RAI14: variants seen among roughly 807,000 people sequenced by gnomAD.
RAI14 encodes ankycorbin.
RAI14 carries 45 observed loss-of-function variants against 115.4 expected under a neutral mutation model. The observed-to-expected ratio is 0.39, with a 90% CI of 0.31 to 0.50. The LOEUF is 0.50. RAI14 is among the 20% of genes least tolerant of loss of function. RAI14 has a pLI of 0.85. For missense variants in RAI14, 939 were observed against 1,131.2 expected, an observed-to-expected ratio of 0.83 and a Z score of 2.44; for synonymous variants, 371 against 415.4, an observed-to-expected ratio of 0.89 and a Z score of 1.30.
chr5:34,730,635 C>T (rs955057748), intron 2 of RAI14, among the ~76,000 whole-genome samples: 2 of 151,974 alleles, frequency 1.3e-5, no homozygotes, highest in African/African-American at 4.8e-5. Context: ...AAGATCCTGC[C>T]ACTGCACTCC....
rs547870512 is a variant in RAI14 at position 34,814,421 on chromosome 5, T to G, written c.853-162T>G. On this transcript the variant is annotated intron_variant, in intron 11 of 17. Transcript: ENST00000265109. ...ACTTTCAGAAAGTATTTGAAGTAGC[T>G]GAATTGCACTGAAAATATTCTACCC... is the stretch of plus-strand genomic sequence containing the variant. Among the ~76,000 whole-genome samples, 3 of 152,354 alleles carry G rather than the reference T, an allele frequency of 2.0e-5. No homozygotes were observed. In the South Asian group the frequency reaches 6.2e-4, roughly 32 times the overall value.
intron 3 of RAI14, among the ~76,000 whole-genome samples, chr5:34,779,061 G>C (rs1751269580): frequency 6.6e-6 from 1 of 151,918 alleles, no homozygotes; most frequent in African/African-American, 2.4e-5. Context: ...ATGCAAGGCT[G>C]GTTCAACATA....
At chr5:34,716,221 G>T (rs1030989029) in intron 2 of RAI14, 1 of 338,760 alleles carries the variant, frequency 3.0e-6, no homozygotes, top group Non-Finnish European at 5.7e-6. Flanking sequence ...CATCTTTTGA[G>T]GTGAGTGGAA....
chr5:34,812,030 A>G, intron 9 of RAI14, 85 bp downstream of exon 9: 1 of 1,312,796 alleles, frequency 7.6e-7, no homozygotes, highest in South Asian at 1.4e-5. Flanking sequence ...GCAATATGAT[A>G]TATTTTATTA....
At chr5:34,742,769 T>C (rs2150050932) in intron 2 of RAI14, among the ~76,000 whole-genome samples, 1 of 152,254 alleles carries the variant, frequency 6.6e-6, no homozygotes, top group Non-Finnish European at 1.5e-5. Flanking sequence ...GTTCAAGTGA[T>C]TCTCTTGCCT....
chr5:34,698,923 G>A (rs1739690948), intron 2 of RAI14, among the ~76,000 whole-genome samples: 1 of 152,126 alleles, frequency 6.6e-6, no homozygotes, highest in Admixed American at 6.5e-5. Context: ...TGGGGATGAA[G>A]AGCAAGCAGG....
chr5:34,661,486 A>G (rs1483262395), intron 1 of RAI14, among the ~76,000 whole-genome samples: 1 of 152,098 alleles, frequency 6.6e-6, no homozygotes, highest in Non-Finnish European at 1.5e-5. Context: ...GATATCCTAA[A>G]TGGTGCTGGT....
chr5:34,791,490 G>A lies in RAI14; in HGVS notation c.168-4449G>A, dbSNP rs1171529418. ...TAAATAAGCAAACAAACTATATGTGGCAATTAAAACTTAAAAAAAAAAGCC... is the reference window on the plus strand; with the variant it reads ...TAAATAAGCAAACAAACTATATGTGACAATTAAAACTTAAAAAAAAAAGCC... On this transcript the variant is annotated intron_variant, in intron 3 of 17. Transcript: ENST00000265109. The surrounding 1 kb of genome is among the most constrained non-coding windows in gnomAD (Gnocchi z 5.4). Among the ~76,000 whole-genome samples the A allele has an allele frequency of 1.3e-5, 2 of 151,734 alleles. No homozygotes were observed. Among genetic ancestry groups the A allele is most frequent in the Non-Finnish European group, 2.9e-5 (2 of 67,970 alleles).
intron 2 of RAI14, among the ~76,000 whole-genome samples, chr5:34,723,932 T>C (rs533910567): frequency 6.6e-6 from 1 of 152,350 alleles, no homozygotes; most frequent in South Asian, 2.1e-4. Context: ...TGGTCTATGC[T>C]TTTTTGCCTT....
chr5:34,813,468 T>C (rs1755837039), intron 10 of RAI14, 106 bp from the exon 11 acceptor site: 6 of 637,044 alleles, frequency 9.4e-6, no homozygotes, highest in East Asian at 2.8e-5. Flanking sequence ...AAGTAAGAAA[T>C]GTATGAACTT....
intron 2 of RAI14, among the ~76,000 whole-genome samples, chr5:34,749,920 C>T (rs1252611791): frequency 1.3e-5 from 2 of 152,138 alleles, no homozygotes; most frequent in East Asian, 1.9e-4. Context: ...TCTCTAGAGC[C>T]CTTTAAAATA....
intron 3 of RAI14, among the ~76,000 whole-genome samples, chr5:34,788,271 T>A (rs947177108): frequency 6.6e-6 from 1 of 152,086 alleles, no homozygotes; most frequent in Non-Finnish European, 1.5e-5. Context: ...GGGACCTGTC[T>A]TGTGCATTGT....
At chr5:34,752,947 A>G (rs1747321463) in intron 2 of RAI14, among the ~76,000 whole-genome samples, 1 of 151,780 alleles carries the variant, frequency 6.6e-6, no homozygotes. Context: ...AATGTATTTT[A>G]TATCAGTCAG....
intron 1 of RAI14, among the ~76,000 whole-genome samples, chr5:34,668,230 C>T (rs1449552778): frequency 6.6e-6 from 1 of 152,092 alleles, no homozygotes; most frequent in Non-Finnish European, 1.5e-5. Context: ...CCCATCTCCA[C>T]TAAAAATACA....
chr5:34,804,507 T>C (rs163231), intron 5 of RAI14, among the ~76,000 whole-genome samples: 32,281 of 152,206 alleles, frequency 0.21, 3,777 homozygotes, highest in African/African-American at 0.29. Context: ...TCTGTTGAAC[T>C]GTTGTCTTGG....
At position 34,746,075 on chromosome 5, in the gene RAI14, C is replaced by A. The variant is rs576657895; in HGVS notation, c.37-11393C>A. ...AGCCCCTTTCATCACACCTCCTCCC[C>A]TTATACACCACCCCCTCCCCCCCCC... On this transcript the variant is annotated intron_variant, in intron 2 of 17. Coordinates refer to ENST00000265109, the MANE Select transcript of RAI14 (RefSeq NM_015577.3). 5.8e-5 allele frequency among the ~76,000 whole-genome samples: 7 copies of A among 120,426 alleles called. No homozygotes were observed. In the East Asian group the frequency reaches 1.6e-3, roughly 27 times the overall value. The allele number at this position is 120,426 out of a possible 152,430, so 79.0% of individuals were successfully genotyped here.
intron 2 of RAI14, among the ~76,000 whole-genome samples, chr5:34,740,639 C>T: frequency 6.6e-6 from 1 of 152,150 alleles, no homozygotes; most frequent in Admixed American, 6.5e-5. Flanking sequence ...CTTCTGGGGG[C>T]TGGGGAGACC....
At position 34,791,600 on chromosome 5, in the gene RAI14, C is replaced by G. The variant is rs1167090487; in HGVS notation, c.168-4339C>G. ...CTGTGGATCATCACACACAAAATAC[C>G]CAACCCTGCTGTCATTCAGGGTCCT... is the stretch of plus-strand genomic sequence containing the variant. On this transcript the variant is annotated intron_variant, in intron 3 of 17. Coordinates refer to ENST00000265109, the MANE Select transcript of RAI14 (RefSeq NM_015577.3). This position sits in a 1 kb window ranked among gnomAD's most constrained non-coding sequence, Gnocchi z 5.4. 2.6e-5 allele frequency among the ~76,000 whole-genome samples: 4 copies of G among 152,062 alleles called. No individual in the cohort carries two copies. Among genetic ancestry groups the G allele is most frequent in the African/African-American group, 9.7e-5 (4 of 41,394 alleles).
chr5:34,665,186 TATGTATATATATACAC>T (rs1456336230), intron 1 of RAI14, among the ~76,000 whole-genome samples: 664 of 56,200 alleles, frequency 0.012, 168 homozygotes, highest in South Asian at 0.024. Context: ...CACATATATA[TATGTATATATATACAC>T]ACACCACAGT....
Sources: allele counts gnomAD v4.1 joint callset (sites outside exome capture counted in the v4.1 genomes callset), GRCh38; gene constraint gnomAD v4.1.1; non-coding constraint Gnocchi (gnomAD v3.1); transcripts MANE v1.5; gene names NCBI Gene and HGNC (gene_info 2026-07-23, HGNC 2026-07-21).